The following EYS variants were observed in gnomAD, a reference collection of about 807,000 sequenced individuals.
EYS encodes the protein protein eyes shut homolog.
Under a neutral mutation model 282.1 loss-of-function variants are expected in EYS, and 250 were observed. That is an observed-to-expected ratio of 0.89 (90% CI 0.80 to 0.98). EYS has a LOEUF of 0.98. Ranked by LOEUF, EYS falls within the 50% of genes least tolerant of loss-of-function variation. The pLI is 0.00. For synonymous variants in EYS, 1,355 were observed against 1,282.9 expected (o/e 1.06, Z -1.20); for missense variants, 4,016 against 3,709.0 (o/e 1.08, Z -2.15).
chr6:65,228,416 C>G (rs1254036652), intron 12 of EYS, among the ~76,000 whole-genome samples: 1 of 151,952 alleles, frequency 6.6e-6, no homozygotes, highest in African/African-American at 2.4e-5. Context: ...AAGACCTACA[C>G]ATTTAAAACT....
intron 12 of EYS, among the ~76,000 whole-genome samples, chr6:65,201,346 T>C (rs1371995645): frequency 6.6e-6 from 1 of 152,230 alleles, no homozygotes; most frequent in East Asian, 1.9e-4. Context: ...TCCAGCATTT[T>C]ATTACTAAAA....
At chr6:64,208,014 T>A (rs1307192289) in intron 31 of EYS, among the ~76,000 whole-genome samples, 2 of 152,168 alleles carry the variant, frequency 1.3e-5, no homozygotes, top group Admixed American at 1.3e-4. Flanking sequence ...CATGTACAGA[T>A]CTCAAAATTT....
At chr6:65,425,614 T>C (rs1482458151) in intron 5 of EYS, among the ~76,000 whole-genome samples, 1 of 152,152 alleles carries the variant, frequency 6.6e-6, no homozygotes, top group African/African-American at 2.4e-5. Flanking sequence ...TTAAACTTGG[T>C]TGGATTTGAC....
chr6:64,236,122 A>G lies in EYS; in HGVS notation c.6192-5298T>C, dbSNP rs545276313. 2.0e-5 allele frequency among the ~76,000 whole-genome samples: 3 copies of G among 152,268 alleles called. No individual in the cohort carries two copies. The South Asian group carries it at 6.2e-4, about 32-fold the overall frequency. On this transcript the variant is annotated intron_variant, in intron 30 of 42. Coordinates refer to ENST00000503581, the MANE Select transcript of EYS (RefSeq NM_001142800.2). ...CAGCAGCACATCAAAAAGCTTATCC[A>G]CCATGATCAAGTGGGCTTTTTTCTG...
At chr6:65,547,212 T>C (rs1017778655) in intron 2 of EYS, among the ~76,000 whole-genome samples, 2 of 150,200 alleles carry the variant, frequency 1.3e-5, no homozygotes, top group African/African-American at 4.9e-5. Flanking sequence ...TCATCTAGTA[T>C]AGCCAATTTT....
At chr6:64,286,131 G>A (rs191813355) in intron 30 of EYS, among the ~76,000 whole-genome samples, 106 of 152,240 alleles carry the variant, frequency 7.0e-4, no homozygotes, top group African/African-American at 2.3e-3. Flanking sequence ...CAGATTCATA[G>A]CTCATATACC....
intron 24 of EYS, among the ~76,000 whole-genome samples, chr6:64,607,610 G>T (rs1402966912): frequency 6.6e-6 from 1 of 151,978 alleles, no homozygotes; most frequent in African/African-American, 2.4e-5. Context: ...ATAGTCTTAG[G>T]GGTTAGAACT....
intron 36 of EYS, among the ~76,000 whole-genome samples, chr6:63,859,598 T>G (rs947880617): frequency 7.9e-5 from 12 of 151,510 alleles, no homozygotes; most frequent in Non-Finnish European, 1.0e-4. Flanking sequence ...TGGGCTGGGC[T>G]TTATACATTA....
intron 1 of EYS, among the ~76,000 whole-genome samples, chr6:65,645,499 C>G (rs1452300747): frequency 6.6e-6 from 1 of 152,028 alleles, no homozygotes. Context: ...AGTGACACAA[C>G]CTATCTAACC....
chr6:64,073,521 A>G (rs1023032047), intron 32 of EYS, among the ~76,000 whole-genome samples: 4 of 151,836 alleles, frequency 2.6e-5, no homozygotes, highest in Non-Finnish European at 5.9e-5. Flanking sequence ...TTTCAAACAC[A>G]ATTATGGTAA....
intron 13 of EYS, among the ~76,000 whole-genome samples, chr6:65,026,850 G>A (rs374766687): frequency 3.0e-4 from 45 of 151,516 alleles, no homozygotes; most frequent in African/African-American, 1.0e-3. Context: ...CCGGGAGGCA[G>A]AGGTTGCAGT....
chr6:65,701,372 T>C (rs566692858), intron 1 of EYS, among the ~76,000 whole-genome samples: 5 of 152,258 alleles, frequency 3.3e-5, no homozygotes, highest in East Asian at 1.9e-4. Flanking sequence ...AGAAATAACA[T>C]GGGAAAATTG....
rs1370448940 is a variant in EYS at position 64,666,464 on chromosome 6, C to T, written c.3444-40219G>A. Among the ~76,000 whole-genome samples, 3 of 152,168 alleles carry T rather than the reference C, an allele frequency of 2.0e-5. No homozygotes were observed. In the East Asian group the frequency reaches 5.8e-4, roughly 29 times the overall value. The stretch of plus-strand genomic sequence containing the variant: ...AATCTCTCCTTGAAGTTAATTCTCC[C>T]CTAGTTCCCATGACATTCCCATTCC... On this transcript the variant is annotated intron_variant, in intron 22 of 42. Transcript: ENST00000503581.
chr6:64,838,601 T>C (rs949001866), intron 19 of EYS, among the ~76,000 whole-genome samples: 5 of 137,744 alleles, frequency 3.6e-5, no homozygotes, highest in East Asian at 4.5e-4. Flanking sequence ...TGAGTCTTCC[T>C]CTCTTTCTGT....
At chr6:63,756,387 G>C (rs1215147736) in intron 41 of EYS, among the ~76,000 whole-genome samples, 2 of 152,172 alleles carry the variant, frequency 1.3e-5, no homozygotes, top group African/African-American at 4.8e-5. Context: ...AGATATTCAT[G>C]TGGTTTTGGT....
intron 36 of EYS, among the ~76,000 whole-genome samples, chr6:63,854,897 T>A (rs1370801580): frequency 6.6e-6 from 1 of 152,114 alleles, no homozygotes; most frequent in Non-Finnish European, 1.5e-5. Flanking sequence ...ATTCTATACA[T>A]CTTCTCATAT....
intron 12 of EYS, among the ~76,000 whole-genome samples, chr6:65,182,562 G>A (rs920270522): frequency 6.9e-6 from 1 of 143,942 alleles, no homozygotes; most frequent in Non-Finnish European, 1.5e-5. Flanking sequence ...GACATGTTTT[G>A]TATTTCCTTG....
At chr6:64,931,426 T>C (rs1362061739) in intron 15 of EYS, among the ~76,000 whole-genome samples, 1 of 152,098 alleles carries the variant, frequency 6.6e-6, no homozygotes, top group African/African-American at 2.4e-5. Context: ...TGGAAATTTG[T>C]GGGAAAGCTA....
chr6:64,607,733 A>G (rs897582098), intron 24 of EYS, among the ~76,000 whole-genome samples: 1 of 152,282 alleles, frequency 6.6e-6, no homozygotes, highest in Non-Finnish European at 1.5e-5. Context: ...AAATCTGAGT[A>G]TGGCTCAGAG....
Sources: allele counts gnomAD v4.1 joint callset (sites outside exome capture counted in the v4.1 genomes callset), GRCh38; gene constraint gnomAD v4.1.1; transcripts MANE v1.5; gene names NCBI Gene and HGNC (gene_info 2026-07-23, HGNC 2026-07-21).